Variants in CPEB1 observed in about 807,000 individuals in gnomAD.
CPEB1 encodes the protein cytoplasmic polyadenylation element-binding protein 1.
In CPEB1, 7 loss-of-function variants were observed where a neutral mutation model predicts 65.8. That is an observed-to-expected ratio of 0.11 (90% CI 0.06 to 0.20). The LOEUF is 0.20. Ranked by LOEUF, CPEB1 falls within the 10% of genes least tolerant of loss-of-function variation. CPEB1 has a pLI of 1.00. For synonymous variants in CPEB1, 262 were observed against 260.0 expected (o/e 1.01, Z -0.08); for missense variants, 551 against 712.2 (o/e 0.77, Z 2.58).
intron 4 of CPEB1, among the ~76,000 whole-genome samples, chr15:82,561,157 A>G (rs1021126842): frequency 1.9e-4 from 29 of 152,228 alleles, no homozygotes; most frequent in African/African-American, 6.3e-4. Context: ...CAAGGTCCAG[A>G]GTATGGTAGA....
At position 82,544,599 on chromosome 15, in the gene CPEB1, G is replaced by C; in HGVS notation, c.1760C>G (p.Ser587Cys). The part of the protein sequence containing the change: ...PLMRNQKNRD[S>C]S ...TGGGCAAGGCCAGCTCCTCTAGCTG[G>C]AATCTCGGTTCTTCTGGTTCCGCAT... Residue 587 changes from serine (S) to cysteine (C), a missense_variant, in exon 13 of 13, where the codon TCC becomes TGC. By Grantham distance (112) the Ser-to-Cys change is moderately radical. Transcript: ENST00000684509. 1.9e-6 allele frequency: 3 copies of C among 1,612,512 alleles called. No individual in the cohort carries two copies. The highest frequency in any genetic ancestry group is 2.5e-6 in the Non-Finnish European group (3 of 1,179,638).
intron 4 of CPEB1, among the ~76,000 whole-genome samples, chr15:82,565,993 A>C (rs1320550976): frequency 3.3e-5 from 5 of 152,216 alleles, no homozygotes; most frequent in Admixed American, 3.3e-4. Context: ...GCTACCTCAG[A>C]GGGTATAAGA....
At chr15:82,547,289 C>CTTTTTTTTTTTTTTTTTTTT (rs71156035) in intron 10 of CPEB1, 52 bp from the exon 11 acceptor site, 1 of 347,554 alleles carries the variant, frequency 2.9e-6, no homozygotes. Flanking sequence ...CCAAATGCTA[C>CTTTTTTTTTTTTTTTTTTTT]TTTTTTTTTT....
intron 3 of CPEB1, among the ~76,000 whole-genome samples, chr15:82,590,535 G>A (rs905856826): frequency 3.3e-5 from 5 of 152,018 alleles, no homozygotes; most frequent in African/African-American, 1.2e-4. Flanking sequence ...TAAGTTCAGC[G>A]ATGTGCAGGT....
intron 4 of CPEB1, among the ~76,000 whole-genome samples, chr15:82,560,995 T>C (rs2038093097): frequency 6.6e-6 from 1 of 152,226 alleles, no homozygotes. Context: ...TCGTGCATTA[T>C]AGGCTAAAGA....
At chr15:82,606,303 A>G (rs2043585917) in intron 3 of CPEB1, among the ~76,000 whole-genome samples, 2 of 150,946 alleles carry the variant, frequency 1.3e-5, no homozygotes, top group Middle Eastern at 3.4e-3. Flanking sequence ...CCTTGTCTCT[A>G]ACTAAAAATA....
At chr15:82,579,687 T>C (rs1299450439) in intron 3 of CPEB1, among the ~76,000 whole-genome samples, 57 of 132,572 alleles carry the variant, frequency 4.3e-4, no homozygotes, top group Middle Eastern at 5.6e-3. Context: ...CCGAGACGGG[T>C]GGATCATGAG....
intron 5 of CPEB1, chr15:82,557,426 C>T (rs924777249): frequency 2.1e-5 from 6 of 280,328 alleles, no homozygotes; most frequent in Non-Finnish European, 3.3e-5. Flanking sequence ...CTAAAGAAAG[C>T]ACCCCGTGTA....
intron 3 of CPEB1, among the ~76,000 whole-genome samples, chr15:82,592,036 G>A (rs2042294593): frequency 6.6e-6 from 1 of 151,056 alleles, no homozygotes; most frequent in South Asian, 2.1e-4. Context: ...TAGAGATAGG[G>A]TTTTGCCATA....
intron 1 of CPEB1, chr15:82,630,107 T>C: frequency 1.0e-6 from 1 of 985,402 alleles, no homozygotes; most frequent in Non-Finnish European, 1.2e-6. Flanking sequence ...GATGCAAAGA[T>C]TTATAACCTG....
rs76109880 is a variant in CPEB1 at position 82,604,136 on chromosome 15, G to T, written c.271+23057C>A. Among the ~76,000 whole-genome samples, 418 of 152,192 alleles carry T rather than the reference G, an allele frequency of 2.7e-3. 2 individuals are homozygous for T. The highest frequency in any genetic ancestry group is 3.9e-3 in the Admixed American group (59 of 15,262). ...GGCCCAGAACGAAGGATCACTTGAG[G>T]CCAGGAGTTCAAGCCAAGCCTGGGC... On this transcript the variant is annotated intron_variant, in intron 3 of 12. Transcript: ENST00000684509.
At chr15:82,615,220 T>C (rs2044602746) in intron 3 of CPEB1, among the ~76,000 whole-genome samples, 2 of 152,218 alleles carry the variant, frequency 1.3e-5, no homozygotes, top group South Asian at 4.2e-4. Flanking sequence ...CTGTACCCTA[T>C]CCTCCCATTT....
chr15:82,646,634 A>C (rs939879575), intron 1 of CPEB1, among the ~76,000 whole-genome samples: 1 of 152,082 alleles, frequency 6.6e-6, no homozygotes, highest in African/African-American at 2.4e-5. Context: ...AAAGCGCCCA[A>C]GAGCCCAGGC....
chr15:82,544,372 C>G lies in CPEB1; in HGVS notation c.*220G>C. ...TCGCTTGGAGGGTAAGCCAGAGGGT[C>G]CTTGCCCTTGGTACACCCCCTGAAA... On this transcript the variant is annotated 3_prime_UTR_variant, in exon 13 of 13. Coordinates refer to ENST00000684509, the MANE Select transcript of CPEB1 (RefSeq NM_001365242.1). 1 of 396,654 alleles carries G rather than the reference C, an allele frequency of 2.5e-6. No homozygotes were observed. The highest frequency in any genetic ancestry group is 4.5e-6 in the Non-Finnish European group (1 of 219,842). The allele number at this position is 396,654 out of a possible 1,614,324, so 24.6% of individuals were successfully genotyped here. A position where few individuals can be genotyped will look rare whatever the true frequency, so the allele number is the denominator to read the frequency against.
At chr15:82,553,729 C>T (rs1251528372) in intron 7 of CPEB1, 149 bp downstream of exon 7, 2 of 744,326 alleles carry the variant, frequency 2.7e-6, no homozygotes, top group Non-Finnish European at 4.7e-6. Flanking sequence ...CTATGGGGGT[C>T]TATGAAATGC....
chr15:82,580,947 G>T (rs1283888709), intron 3 of CPEB1, among the ~76,000 whole-genome samples: 1 of 151,830 alleles, frequency 6.6e-6, no homozygotes, highest in Non-Finnish European at 1.5e-5. Flanking sequence ...AGCCTCCCAG[G>T]ATCAAGCAGT....
intron 3 of CPEB1, chr15:82,572,990 A>G (rs1433110789): frequency 6.6e-7 from 1 of 1,512,408 alleles, no homozygotes; most frequent in East Asian, 2.5e-5. Flanking sequence ...ACAGGCCCAG[A>G]CTCACCAGGC....
At chr15:82,624,423 G>GA (rs1220481216) in intron 3 of CPEB1, among the ~76,000 whole-genome samples, 5 of 152,172 alleles carry the variant, frequency 3.3e-5, no homozygotes, top group Admixed American at 6.5e-5. Flanking sequence ...CTGCAGCTGA[G>GA]AAAACTGACC....
intron 3 of CPEB1, among the ~76,000 whole-genome samples, chr15:82,586,029 C>T (rs903797109): frequency 6.6e-6 from 1 of 151,586 alleles, no homozygotes; most frequent in Non-Finnish European, 1.5e-5. Context: ...TAGAGAAAAA[C>T]CTGATAATGG....
Sources: gnomAD v4.1 joint callset for allele counts (sites outside exome capture counted in the v4.1 genomes callset) on GRCh38, gnomAD v4.1.1 for gene constraint, MANE v1.5 for transcripts, NCBI Gene and HGNC (gene_info 2026-07-23, HGNC 2026-07-21) for gene names.